DLG1: variants seen among roughly 807,000 people sequenced by gnomAD.
DLG1 encodes disks large homolog 1.
A neutral mutation model predicts 123.4 loss-of-function variants in DLG1; 42 were observed. The observed-to-expected ratio is 0.34, with a 90% CI of 0.27 to 0.44. The LOEUF is 0.44. DLG1 is among the 20% of genes least tolerant of loss of function. The probability of loss-of-function intolerance (pLI) is 1.00; values close to 1 mark genes in which losing one functional copy is unlikely to be tolerated. For missense variants in DLG1, 942 were observed against 1,082.6 expected, an observed-to-expected ratio of 0.87 and a Z score of 1.82; for synonymous variants, 317 against 356.2, an observed-to-expected ratio of 0.89 and a Z score of 1.24.
intron 10 of DLG1, among the ~76,000 whole-genome samples, chr3:197,134,609 C>T (rs1784225432): frequency 6.6e-6 from 1 of 152,086 alleles, no homozygotes; most frequent in South Asian, 2.1e-4. Flanking sequence ...GCCTTGGCTG[C>T]TTGCTCAGTG....
chr3:197,102,118 C>G (rs1198457427), intron 14 of DLG1, among the ~76,000 whole-genome samples: 1 of 152,156 alleles, frequency 6.6e-6, no homozygotes, highest in Non-Finnish European at 1.5e-5. Context: ...TGAATTATTC[C>G]TTGCCTTTGG....
At chr3:197,061,555 T>G (rs1282669193) in intron 22 of DLG1, among the ~76,000 whole-genome samples, 2 of 144,550 alleles carry the variant, frequency 1.4e-5, no homozygotes, top group Non-Finnish European at 3.0e-5. Flanking sequence ...TTGTAAAGTC[T>G]CCTTAGTCTC....
intron 4 of DLG1, 40 bp from the exon 5 acceptor site, chr3:197,194,629 C>T (rs1266343966): frequency 1.4e-6 from 2 of 1,460,364 alleles, no homozygotes. Flanking sequence ...TGATAAGCAA[C>T]ATGAGTTTAA....
At chr3:197,115,595 C>T (rs1202670096) in intron 13 of DLG1, among the ~76,000 whole-genome samples, 2 of 152,104 alleles carry the variant, frequency 1.3e-5, no homozygotes, top group African/African-American at 2.4e-5. Context: ...GCTTTCAAAA[C>T]CTCAATAGAT....
chr3:197,161,786 G>A, intron 5 of DLG1: 2 of 1,174,256 alleles, frequency 1.7e-6, no homozygotes, highest in Non-Finnish European at 2.4e-6. Context: ...CAAAATAAAA[G>A]GGAAACACAT....
intron 3 of DLG1, among the ~76,000 whole-genome samples, chr3:197,289,156 T>C (rs983197104): frequency 2.0e-5 from 3 of 152,172 alleles, no homozygotes; most frequent in Non-Finnish European, 4.4e-5. Flanking sequence ...AAAAAAACAA[T>C]TGTGCTGTAA....
chr3:197,115,922 C>T lies in DLG1; in HGVS notation c.1443+5G>A. Reference sequence around the variant, plus strand: ...AAAAACGTGATCTTGACTAACGTGTCTTACCGATATAATACGATCTCCTTT... The same window carrying T: ...AAAAACGTGATCTTGACTAACGTGTTTTACCGATATAATACGATCTCCTTT... On this transcript the variant is annotated splice_donor_5th_base_variant and intron_variant, in intron 13 of 24. Transcript: ENST00000667157. 6.2e-7 allele frequency: 1 copy of T among 1,609,704 alleles called. No homozygotes were observed. The highest frequency in any genetic ancestry group is 8.5e-7 in the Non-Finnish European group (1 of 1,178,746).
chr3:197,078,697 T>A (rs1748919168), intron 17 of DLG1, among the ~76,000 whole-genome samples: 1 of 152,200 alleles, frequency 6.6e-6, no homozygotes, highest in African/African-American at 2.4e-5. Context: ...GACGAGAAAG[T>A]GTTTTAGTGA....
chr3:197,060,583 C>T (rs1202023578), intron 22 of DLG1, among the ~76,000 whole-genome samples: 1 of 152,188 alleles, frequency 6.6e-6, no homozygotes, highest in East Asian at 1.9e-4. Context: ...CTCATTGCCA[C>T]TACTCAATCC....
intron 4 of DLG1, among the ~76,000 whole-genome samples, chr3:197,248,499 G>GA (rs1334340606): frequency 1.3e-5 from 2 of 152,162 alleles, no homozygotes; most frequent in African/African-American, 2.4e-5. Context: ...AAGTCACAAA[G>GA]AAAATGAGCA....
chr3:197,237,712 G>A (rs910450937), intron 4 of DLG1, among the ~76,000 whole-genome samples: 5 of 152,196 alleles, frequency 3.3e-5, no homozygotes, highest in African/African-American at 1.2e-4. Flanking sequence ...GCCGGGGGTA[G>A]AGGGAATGTT....
intron 4 of DLG1, among the ~76,000 whole-genome samples, chr3:197,281,286 G>A (rs188916326): frequency 1.4e-4 from 22 of 152,096 alleles, no homozygotes; most frequent in African/African-American, 4.6e-4. Context: ...CAATCCACCC[G>A]CCTTGGCCTC....
At chr3:197,133,653 A>T (rs999400732) in intron 10 of DLG1, among the ~76,000 whole-genome samples, 3 of 152,216 alleles carry the variant, frequency 2.0e-5, no homozygotes, top group Admixed American at 1.3e-4. Flanking sequence ...ACATTAAGAA[A>T]CAGTGACCTT....
chr3:197,145,920 G>T (rs985453542), intron 6 of DLG1, among the ~76,000 whole-genome samples: 1 of 151,928 alleles, frequency 6.6e-6, no homozygotes, highest in Admixed American at 6.6e-5. Flanking sequence ...AACCCAGGAG[G>T]CGGAGGTTGC....
At chr3:197,247,391 G>A (rs1411166575) in intron 4 of DLG1, among the ~76,000 whole-genome samples, 1 of 152,078 alleles carries the variant, frequency 6.6e-6, no homozygotes, top group African/African-American at 2.4e-5. Context: ...TGGTCTAGTG[G>A]GTCCAGATGT....
chr3:197,167,713 T>C (rs1019870433), intron 5 of DLG1, among the ~76,000 whole-genome samples: 1 of 152,224 alleles, frequency 6.6e-6, no homozygotes, highest in African/African-American at 2.4e-5. Context: ...AGAAGTGATA[T>C]AAAAAACTGC....
At position 197,115,907 on chromosome 3, in the gene DLG1, T is replaced by A. The variant is rs1325317849; in HGVS notation, c.1443+20A>T. On this transcript the variant is annotated intron_variant, in intron 13 of 24. Transcript: ENST00000667157. Reference sequence around the variant, plus strand: ...TCCAGTGAAAATAACAAAAACGTGATCTTGACTAACGTGTCTTACCGATAT... The same window carrying A: ...TCCAGTGAAAATAACAAAAACGTGAACTTGACTAACGTGTCTTACCGATAT... 6.2e-7 allele frequency: 1 copy of A among 1,602,968 alleles called. No homozygotes were observed. Among genetic ancestry groups the A allele is most frequent in the Non-Finnish European group, 8.5e-7 (1 of 1,177,096 alleles).
At chr3:197,186,906 G>A (rs1002747256) in intron 5 of DLG1, among the ~76,000 whole-genome samples, 2 of 151,876 alleles carry the variant, frequency 1.3e-5, no homozygotes, top group African/African-American at 2.4e-5. Context: ...AAAGGTAAAG[G>A]ACAAGAGGAA....
chr3:197,159,530 C>T (rs376062828), intron 5 of DLG1, among the ~76,000 whole-genome samples: 112 of 152,302 alleles, frequency 7.4e-4, no homozygotes, highest in African/African-American at 2.7e-3. Flanking sequence ...ATTTCTAATA[C>T]ATCCTAACGC....
Sources: allele counts gnomAD v4.1 joint callset (sites outside exome capture counted in the v4.1 genomes callset), GRCh38; gene constraint gnomAD v4.1.1; transcripts MANE v1.5; gene names NCBI Gene and HGNC (gene_info 2026-07-23, HGNC 2026-07-21).